The following PLPPR3 variants were observed in gnomAD, a reference collection of about 807,000 sequenced individuals.
PLPPR3 encodes phospholipid phosphatase-related protein type 3.
In PLPPR3, 14 loss-of-function variants were observed where a neutral mutation model predicts 27.3. The observed-to-expected ratio is 0.51, with a 90% CI of 0.34 to 0.80. The LOEUF (loss-of-function observed/expected upper bound fraction) is 0.80, where lower values mean the gene tolerates loss of function less well. PLPPR3 is among the 30% of genes least tolerant of loss of function. PLPPR3 has a pLI of 0.01. For missense variants in PLPPR3, 1,287 were observed against 1,056.9 expected (o/e 1.22, Z -3.02); for synonymous variants, 671 against 508.0 (o/e 1.32, Z -4.32).
rs1176211726 is a variant in PLPPR3 at position 814,986 on chromosome 19, T to G, written c.499A>C (p.Lys167Gln). ...GTGCCCAGGAGAGTGTAGTTGGGCT[T>G]GCAGACGGTGAGGAAGAAGGGAGTG... is the stretch of plus-strand genomic sequence containing the variant. ...YHTPFFLTVC[K>Q]PNYTLLGTSC... The change falls in exon 5 of 8, where the codon AAG becomes CAG. Residue 167 changes from lysine to glutamine, a missense_variant. Coordinates refer to ENST00000520876, the MANE Select transcript of PLPPR3 (RefSeq NM_001270366.2). The G allele has an allele frequency of 1.2e-6, 2 of 1,612,466 alleles. No homozygotes were observed. The highest frequency in any genetic ancestry group is 1.7e-6 in the Non-Finnish European group (2 of 1,179,934).
chr19:817,824 C>T (rs2035084447), intron 2 of PLPPR3, among the ~76,000 whole-genome samples: 1 of 152,180 alleles, frequency 6.6e-6, no homozygotes, highest in African/African-American at 2.4e-5. Context: ...TTGTTTGCAC[C>T]TGACACCCGG....
At chr19:821,459 C>T (rs372178367) in intron 2 of PLPPR3, 26 bp downstream of exon 2, 54 of 1,503,602 alleles carry the variant, frequency 3.6e-5, no homozygotes, top group Non-Finnish European at 4.2e-5. Context: ...GCGTCTCCCC[C>T]GGGCCCCAGC....
Position 821,949 on chromosome 19 carries a change from C to T in PLPPR3, c.-61G>A, listed in dbSNP as rs2035155410. On this transcript the variant is annotated 5_prime_UTR_variant, in exon 1 of 8. Transcript: ENST00000520876. ...CCGGCGCCCAGCACAAAGCGCGTCT[C>T]CTCCGTGGGGCGGGGCCGGGAGCCG... is the stretch of plus-strand genomic sequence containing the variant. 2 of 162,322 alleles carry T rather than the reference C, an allele frequency of 1.2e-5. No individual in the cohort carries two copies. The highest frequency in any genetic ancestry group is 2.0e-4 in the South Asian group (1 of 4,946). 10.1% of individuals were successfully genotyped at this position (162,322 alleles called of 1,614,324 possible).
At chr19:821,423 GGTCTCTGCGGGCGGGCGGAACCGAGGC>G (rs1444379982) in intron 2 of PLPPR3, 35 bp downstream of exon 2, 6 of 1,438,648 alleles carry the variant, frequency 4.2e-6, no homozygotes, top group Non-Finnish European at 5.6e-6. Flanking sequence ...CCAGCGCGGG[GGTCTCTGCGGGCGGGCGGAACCGAGGC>G]GTCTCCCCCG....
intron 2 of PLPPR3, 64 bp from the exon 3 acceptor site, chr19:815,915 C>T: frequency 1.3e-6 from 2 of 1,533,062 alleles, no homozygotes; most frequent in South Asian, 2.4e-5. Flanking sequence ...GTCCAGCCCT[C>T]CATGAATTCA....
Position 815,050 on chromosome 19 carries a change from G to A in PLPPR3, c.435C>T (p.Ala145=), listed in dbSNP as rs902035580. The A allele has an allele frequency of 8.7e-6, 14 of 1,608,040 alleles. No homozygotes were observed. The African/African-American group carries it at 1.7e-4, about 20-fold the overall frequency. ...GVHVFGLCAT[A]LVTDVIQLAT... The stretch of plus-strand genomic sequence containing the variant: ...CCAGCTGGATCACGTCCGTCACCAG[G>A]GCTGTGGCACACAGGCCGAACACGT... Residue 145 remains alanine, a synonymous_variant, in exon 5 of 8, where the codon GCC becomes GCT. Transcript: ENST00000520876.
At chr19:814,065 C>T (rs1444449434) in intron 7 of PLPPR3, among the ~76,000 whole-genome samples, 170 bp from the exon 8 acceptor site, 1 of 152,048 alleles carries the variant, frequency 6.6e-6, no homozygotes, top group Non-Finnish European at 1.5e-5. Flanking sequence ...TCGGGCAGGT[C>T]TGAGCCCACG....
chr19:821,055 G>A (rs997469842), intron 2 of PLPPR3, among the ~76,000 whole-genome samples: 3 of 152,118 alleles, frequency 2.0e-5, no homozygotes, highest in Admixed American at 6.5e-5. Context: ...GTGGAAAAGC[G>A]GAGGCCCAGA....
chr19:814,390 C>A, intron 7 of PLPPR3, 44 bp downstream of exon 7: 3 of 1,537,494 alleles, frequency 2.0e-6, no homozygotes, highest in South Asian at 2.4e-5. Context: ...CCCCTCAGAT[C>A]CCCTGGGAAC....
Position 815,725 on chromosome 19 carries a change from C to G in PLPPR3, c.202G>C (p.Glu68Gln). The part of the protein sequence containing the change: ...TLSMPYVETN[E>Q]ELIPLLMLLS... Reference sequence around the variant, plus strand: ...AGCATCAGCAGCGGGATGAGCTCCTCGTTGGTCTCCACGTAGGGCATGGAG... The same window carrying G: ...AGCATCAGCAGCGGGATGAGCTCCTGGTTGGTCTCCACGTAGGGCATGGAG... The change falls in exon 3 of 8, where the codon GAG (glutamate) becomes CAG (glutamine). Residue 68 changes from glutamate (E) to glutamine (Q), a missense_variant. By Grantham distance (29) the Glu-to-Gln change is conservative. Transcript: ENST00000520876. 1 of 1,610,922 alleles carries G rather than the reference C, an allele frequency of 6.2e-7. No homozygotes were observed. Among genetic ancestry groups the G allele is most frequent in the Non-Finnish European group, 8.5e-7 (1 of 1,179,044 alleles).
At chr19:821,754 T>A in intron 1 of PLPPR3, 161 bp downstream of exon 1, 4 of 356,594 alleles carry the variant, frequency 1.1e-5, no homozygotes, top group Non-Finnish European at 1.5e-5. Flanking sequence ...CGGGCGCCCC[T>A]ACACCCGGGA....
intron 7 of PLPPR3, among the ~76,000 whole-genome samples, chr19:814,206 G>T (rs368991631): frequency 4.7e-5 from 7 of 149,460 alleles, no homozygotes; most frequent in African/African-American, 1.5e-4. Flanking sequence ...GAGCCCCTGG[G>T]CACCCATGCC....
Position 812,774 on chromosome 19 carries a change from C to T in PLPPR3, c.1953G>A (p.Pro651=). 1 of 1,083,926 alleles carries T rather than the reference C, an allele frequency of 9.2e-7. No individual in the cohort carries two copies. Among genetic ancestry groups the T allele is most frequent in the Non-Finnish European group, 1.1e-6 (1 of 892,550 alleles). 67.1% of individuals were successfully genotyped at this position (1,083,926 alleles called of 1,614,324 possible). ...TGACGGTGGCCACGGCCCCGAACCG[C>T]GGCTCCTCCTGGTCCACGTCGCTGA... ...SSVSDVDQEE[P]RFGAVATVNL... The change falls in exon 8 of 8, where the codon CCG becomes CCA. Residue 651 remains proline, a synonymous_variant. Transcript: ENST00000520876.
chr19:816,706 T>TCCATCCACCCAC (rs1219498021), intron 2 of PLPPR3, among the ~76,000 whole-genome samples: 2 of 135,032 alleles, frequency 1.5e-5, no homozygotes, highest in African/African-American at 5.6e-5. Context: ...CACCCAACCG[T>TCCATCCACCCAC]CCATCCATCC....
chr19:822,718 T>C (rs568160416), upstream of PLPPR3, among the ~76,000 whole-genome samples: 1 of 152,294 alleles, frequency 6.6e-6, no homozygotes, highest in South Asian at 2.1e-4. Context: ...TGCGCAGCCC[T>C]GCGGGGTAGG....
Position 815,442 on chromosome 19 carries a change from G to A in PLPPR3, c.262-115C>T, listed in dbSNP as rs543525415. ...ACAGGCCCCGGTGTGGATGTTCACC[G>A]AGGTGGCGGGGGTGGGCTCCCAGCC... On this transcript the variant is annotated intron_variant, in intron 3 of 7. Transcript: ENST00000520876. The A allele has an allele frequency of 2.4e-4, 296 of 1,210,730 alleles. 2 individuals are homozygous for A. In the African/African-American group the frequency reaches 4.6e-3, roughly 19 times the overall value. The allele number at this position is 1,210,730 out of a possible 1,614,324, so 75.0% of individuals were successfully genotyped here.
Position 813,083 on chromosome 19 carries a change from C to T in PLPPR3, c.1644G>A (p.Ala548=). 3.3e-6 allele frequency: 5 copies of T among 1,496,724 alleles called. No homozygotes were observed. In the African/African-American group the frequency reaches 4.4e-5, roughly 13 times the overall value. The allele number at this position is 1,496,724 out of a possible 1,614,324, so 92.7% of individuals were successfully genotyped here. A position where few individuals can be genotyped will look rare whatever the true frequency, so the allele number is the denominator to read the frequency against. The change falls in exon 8 of 8, where the codon GCG becomes GCA. Residue 548 remains alanine, a synonymous_variant. Coordinates refer to ENST00000520876, the MANE Select transcript of PLPPR3 (RefSeq NM_001270366.2). This position sits in a 1 kb window ranked among gnomAD's most constrained non-coding sequence, Gnocchi z 4.1. ...CCGTCTCGGCCGCCTTGGGGCCCGG[C>T]GCGCCCGGAGCCTTGGACATGGCGA... ...QVIAMSKAPG[A]PGPKAAETAS... is the part of the protein sequence containing the mutation.
In PLPPR3 at chr19:814,422, C is replaced by T. The variant is rs779615259; in HGVS notation, c.831+12G>A. On this transcript the variant is annotated intron_variant, in intron 7 of 7. Coordinates refer to ENST00000520876, the MANE Select transcript of PLPPR3 (RefSeq NM_001270366.2). ...GAACCCATGCCGACCCCCATCAGAA[C>T]CTGCCACTCACCAGGTAGGCAGCGA... 12 of 1,590,704 alleles carry T rather than the reference C, an allele frequency of 7.5e-6. No homozygotes were observed. Among genetic ancestry groups the T allele is most frequent in the Middle Eastern group, 1.7e-4 (1 of 6,014 alleles).
chr19:814,329 A>C, intron 7 of PLPPR3, 105 bp downstream of exon 7: 1 of 1,130,914 alleles, frequency 8.8e-7, no homozygotes, highest in Non-Finnish European at 1.2e-6. Flanking sequence ...CTCCCACCTC[A>C]GACCCCTGGG....
Sources: gnomAD v4.1 joint callset for allele counts (sites outside exome capture counted in the v4.1 genomes callset) on GRCh38, gnomAD v4.1.1 for gene constraint, Gnocchi (gnomAD v3.1) non-coding constraint, MANE v1.5 for transcripts, NCBI Gene and HGNC (gene_info 2026-07-23, HGNC 2026-07-21) for gene names.